Variants in PASD1 observed in about 807,000 individuals in gnomAD.
The protein encoded by PASD1 is circadian clock protein PASD1.
Under a neutral mutation model 58.8 loss-of-function variants are expected in PASD1, and 13 were observed. The observed-to-expected ratio is 0.22, with a 90% CI of 0.14 to 0.35. The LOEUF (loss-of-function observed/expected upper bound fraction) is 0.35, where lower values mean the gene tolerates loss of function less well. PASD1 is among the 10% of genes least tolerant of loss of function. The pLI, the probability that PASD1 is intolerant of heterozygous loss-of-function variation, is 1.00. For missense variants in PASD1, 734 were observed against 568.3 expected (o/e 1.29, Z -2.96); for synonymous variants, 236 against 216.7 (o/e 1.09, Z -0.78).
intron 4 of PASD1, among the ~76,000 whole-genome samples, chrX:151,617,137 C>T (rs1346653715): frequency 9.0e-6 from 1 of 111,329 alleles, no homozygotes; most frequent in African/African-American, 3.3e-5. Flanking sequence ...TAGTTTTTCG[C>T]TGGTATTTAT....
intron 15 of PASD1, 69 bp from the exon 16 acceptor site, chrX:151,675,928 T>C: frequency 8.9e-7 from 1 of 1,117,780 alleles, no homozygotes; most frequent in Non-Finnish European, 1.2e-6. Flanking sequence ...AAAGGATTCC[T>C]CCTACCACCA....
At chrX:151,572,612 T>G (rs1284013800) in intron 1 of PASD1, among the ~76,000 whole-genome samples, 1 of 111,806 alleles carries the variant, frequency 8.9e-6, no homozygotes, top group Non-Finnish European at 1.9e-5. Flanking sequence ...AGTTCTTTAA[T>G]GAAGTGTTCC....
Position 151,604,749 on chromosome X carries a change from G to A in PASD1, c.117+15G>A. On this transcript the variant is annotated intron_variant, in intron 3 of 15. Coordinates refer to ENST00000370357, the MANE Select transcript of PASD1 (RefSeq NM_173493.3). Reference sequence around the variant, plus strand: ...TGACGCTACAGGTAAGAGGGCTTTTGTTCTTTGATTACTTCATATGTTGAA... The same window carrying A: ...TGACGCTACAGGTAAGAGGGCTTTTATTCTTTGATTACTTCATATGTTGAA... 1 of 1,133,156 alleles carries A rather than the reference G, an allele frequency of 8.8e-7. No homozygotes were observed. Among genetic ancestry groups the A allele is most frequent in the Non-Finnish European group, 1.2e-6 (1 of 826,341 alleles). The allele number at this position is 1,133,156 out of a possible 1,213,427, so 93.4% of individuals were successfully genotyped here.
chrX:151,629,543 C>T (rs1296530009), intron 8 of PASD1, among the ~76,000 whole-genome samples: 1 of 112,195 alleles, frequency 8.9e-6, no homozygotes, highest in Non-Finnish European at 1.9e-5. Flanking sequence ...CCCAGCTTTT[C>T]TTGTAGTACA....
intron 4 of PASD1, 116 bp downstream of exon 4, chrX:151,611,869 C>T: frequency 2.0e-6 from 1 of 496,473 alleles, no homozygotes; most frequent in South Asian, 3.5e-5. Flanking sequence ...GCACAACGTG[C>T]AGGTTTGTTT....
chrX:151,655,269 T>A (rs1274743115), intron 9 of PASD1, among the ~76,000 whole-genome samples: 2 of 107,356 alleles, frequency 1.9e-5, no homozygotes, highest in Non-Finnish European at 3.9e-5. Flanking sequence ...GACATTTGGG[T>A]TGGTTCCTAG....
chrX:151,621,081 C>A, intron 5 of PASD1, 52 bp downstream of exon 5: 1 of 767,262 alleles, frequency 1.3e-6, no homozygotes, highest in Non-Finnish European at 1.9e-6. Context: ...GGACAAGTAA[C>A]AATCGCTCAA....
At chrX:151,635,469 T>G (rs1231485488) in intron 8 of PASD1, among the ~76,000 whole-genome samples, 1 of 112,042 alleles carries the variant, frequency 8.9e-6, no homozygotes, top group Non-Finnish European at 1.9e-5. Context: ...GAGTTCATAG[T>G]GATGCTTCAG....
chrX:151,581,488 G>T (rs1402465702), intron 1 of PASD1, among the ~76,000 whole-genome samples: 1 of 109,527 alleles, frequency 9.1e-6, no homozygotes, highest in Non-Finnish European at 1.9e-5. Context: ...CTACTCAGGA[G>T]TCTGAGGTAG....
intron 9 of PASD1, among the ~76,000 whole-genome samples, chrX:151,655,132 C>G (rs867809164): frequency 5.4e-5 from 6 of 111,775 alleles, no homozygotes; most frequent in Middle Eastern, 4.6e-3. Flanking sequence ...TGATAGTTTG[C>G]TGAGAATGAT....
chrX:151,569,173 T>C (rs1340010361), intron 1 of PASD1, among the ~76,000 whole-genome samples: 1 of 112,446 alleles, frequency 8.9e-6, no homozygotes, highest in Non-Finnish European at 1.9e-5. Context: ...TGTAGGTTAA[T>C]AGTTTCCTAG....
At chrX:151,672,762 G>A (rs1202192215) in intron 14 of PASD1, 101 bp downstream of exon 14, 5 of 1,117,867 alleles carry the variant, frequency 4.5e-6, no homozygotes, top group Non-Finnish European at 5.9e-6. Flanking sequence ...TATCCATGTG[G>A]CACCAGCGTC....
chrX:151,603,889 G>A (rs2013452081), intron 2 of PASD1, among the ~76,000 whole-genome samples: 2 of 111,885 alleles, frequency 1.8e-5, no homozygotes, highest in African/African-American at 6.5e-5. Flanking sequence ...AGAGATCAAA[G>A]TTGTATGCTA....
intron 1 of PASD1, among the ~76,000 whole-genome samples, chrX:151,576,035 T>TC (rs1378596786): frequency 3.4e-4 from 36 of 106,252 alleles, no homozygotes; most frequent in African/African-American, 1.2e-3. Flanking sequence ...AATTTTTTTT[T>TC]TTTTGTATTT....
intron 1 of PASD1, among the ~76,000 whole-genome samples, chrX:151,599,358 G>A (rs1355064597): frequency 3.5e-5 from 4 of 112,718 alleles, no homozygotes; most frequent in South Asian, 3.6e-4. Flanking sequence ...ATGGGGCAGC[G>A]GCCGGGCAGA....
chrX:151,647,117 T>C (rs971917693), intron 8 of PASD1, among the ~76,000 whole-genome samples: 2 of 111,742 alleles, frequency 1.8e-5, no homozygotes, highest in African/African-American at 6.5e-5. Context: ...ATGCATGTGC[T>C]GAAGGCAGTT....
At chrX:151,618,836 G>A (rs886962922) in intron 4 of PASD1, among the ~76,000 whole-genome samples, 4 of 111,018 alleles carry the variant, frequency 3.6e-5, no homozygotes, top group African/African-American at 1.3e-4. Context: ...TGTACCTGGA[G>A]TGCAGTGAGA....
At chrX:151,643,307 C>CCTG (rs2014019385) in intron 8 of PASD1, among the ~76,000 whole-genome samples, 1 of 111,308 alleles carries the variant, frequency 9.0e-6, no homozygotes, top group Non-Finnish European at 1.9e-5. Flanking sequence ...AGGAGTTGGT[C>CCTG]AAGATTGCAT....
At chrX:151,601,295 A>G (rs1247810083) in intron 1 of PASD1, among the ~76,000 whole-genome samples, 2 of 112,142 alleles carry the variant, frequency 1.8e-5, no homozygotes, top group Non-Finnish European at 3.8e-5. Context: ...ATTCATTTGT[A>G]ATGTTATTAT....
Sources: allele counts gnomAD v4.1 joint callset (sites outside exome capture counted in the v4.1 genomes callset), GRCh38; gene constraint gnomAD v4.1.1; transcripts MANE v1.5; gene names NCBI Gene and HGNC (gene_info 2026-07-23, HGNC 2026-07-21).